The following BLOC1S3 variants were observed in gnomAD, a reference collection of about 807,000 sequenced individuals.
The protein encoded by BLOC1S3 is biogenesis of lysosomal organelles complex 1 subunit 3.
BLOC1S3 carries 7 observed loss-of-function variants against 9.1 expected under a neutral mutation model. The ratio of observed to expected loss-of-function variants is 0.77; its 90% CI spans 0.44 to 1.45. The LOEUF is 1.45. Ranked by LOEUF, BLOC1S3 falls within the 40% of genes most tolerant of loss-of-function variation. BLOC1S3 has a pLI of 0.01. For missense variants in BLOC1S3, 307 were observed against 315.2 expected, an observed-to-expected ratio of 0.97 and a Z score of 0.20; for synonymous variants, 145 against 158.4, an observed-to-expected ratio of 0.92 and a Z score of 0.64.
At chr19:45,207,415 G>T (rs148635003) in intron 3 of BLOC1S3, among the ~76,000 whole-genome samples, 1 of 149,816 alleles carries the variant, frequency 6.7e-6, no homozygotes, top group African/African-American at 2.5e-5. Flanking sequence ...TTACAGGCGT[G>T]AGCCACCGCG....
At position 45,180,097 on chromosome 19, in the gene BLOC1S3, A is replaced by G. The variant is rs1435531346; in HGVS notation, c.*192A>G. On this transcript the variant is annotated 3_prime_UTR_variant, in exon 2 of 2. Transcript: ENST00000433642. ...TAGTTCAACCCCTACTGCGGAGACC[A>G]GGGCCCCACTATCCTTAGATCTGGT... The G allele has an allele frequency of 6.8e-6, 4 of 591,002 alleles. No individual in the cohort carries two copies. Among genetic ancestry groups the G allele is most frequent in the Non-Finnish European group, 1.1e-5 (4 of 351,242 alleles). 36.6% of individuals were successfully genotyped at this position (591,002 alleles called of 1,614,324 possible).
downstream of BLOC1S3, among the ~76,000 whole-genome samples, chr19:45,183,827 A>G (rs568972727): frequency 4.3e-4 from 65 of 151,462 alleles, no homozygotes; most frequent in African/African-American, 1.5e-3. Context: ...AGTAGAGATG[A>G]GGTTTCACCA....
At chr19:45,203,585 G>A (rs1969707037) in intron 3 of BLOC1S3, among the ~76,000 whole-genome samples, 1 of 152,054 alleles carries the variant, frequency 6.6e-6, no homozygotes, top group African/African-American at 2.4e-5. Context: ...AGTTGATTTA[G>A]GGTCCCAGAG....
At position 45,179,425 on chromosome 19, in the gene BLOC1S3, T is replaced by G; in HGVS notation, c.129T>G (p.Pro43=). ...SSEEEELYLG[P]SGPTRGRPTG... is the part of the protein sequence containing the mutation. ...AGGAGGAGGAGCTGTACCTGGGTCCTTCGGGCCCGACGCGCGGCCGCCCCA... is the reference window on the plus strand; with the variant it reads ...AGGAGGAGGAGCTGTACCTGGGTCCGTCGGGCCCGACGCGCGGCCGCCCCA... The change falls in exon 2 of 2, where the codon CCT becomes CCG. Residue 43 remains proline (P), a synonymous_variant. Coordinates refer to ENST00000433642, the MANE Select transcript of BLOC1S3 (RefSeq NM_212550.5). This position sits in a 1 kb window ranked among gnomAD's most constrained non-coding sequence, Gnocchi z 4.6. The G allele has an allele frequency of 6.5e-7, 1 of 1,538,812 alleles. No individual in the cohort carries two copies. The highest frequency in any genetic ancestry group is 2.4e-5 in the East Asian group (1 of 41,006).
At chr19:45,198,464 T>G (rs1969665697) in intron 2 of BLOC1S3, among the ~76,000 whole-genome samples, 1 of 151,954 alleles carries the variant, frequency 6.6e-6, no homozygotes, top group Non-Finnish European at 1.5e-5. Context: ...GCTAACTTTT[T>G]TGTATTTTTA....
At chr19:45,182,645 G>C (rs8106106), downstream of BLOC1S3, among the ~76,000 whole-genome samples, 13,096 of 152,166 alleles carry the variant, frequency 0.086, 820 homozygotes, top group Non-Finnish European at 0.13. Context: ...TCCTGGGTGA[G>C]AGTGAGACTC....
chr19:45,213,394 C>G, intron 3 of BLOC1S3: 3 of 1,607,790 alleles, frequency 1.9e-6, no homozygotes, highest in Non-Finnish European at 2.5e-6. Context: ...ATGCAGATCC[C>G]CAGCTCTAGA....
downstream of BLOC1S3, among the ~76,000 whole-genome samples, chr19:45,184,689 A>T (rs1252974065): frequency 6.6e-6 from 1 of 152,046 alleles, no homozygotes; most frequent in African/African-American, 2.4e-5. Context: ...TCACGAGGTC[A>T]GGAGATCAAG....
chr19:45,212,166 G>T (rs1969779075), intron 3 of BLOC1S3, among the ~76,000 whole-genome samples: 1 of 152,206 alleles, frequency 6.6e-6, no homozygotes, highest in Non-Finnish European at 1.5e-5. Flanking sequence ...GCTCAGAGTG[G>T]CGAAGGCCTG....
In BLOC1S3 at chr19:45,179,258, A is replaced by T. The variant is rs1478143608; in HGVS notation, c.-9-30A>T. On this transcript the variant is annotated intron_variant, in intron 1 of 1. Coordinates refer to ENST00000433642, the MANE Select transcript of BLOC1S3 (RefSeq NM_212550.5). This position sits in a 1 kb window ranked among gnomAD's most constrained non-coding sequence, Gnocchi z 4.6. The stretch of plus-strand genomic sequence containing the variant: ...TTTTACCCACCGCGGCGCCGGTCTC[A>T]CGTGCAGTCCCTTCGCTCTTCTCCC... 2.0e-6 allele frequency: 3 copies of T among 1,504,902 alleles called. No individual in the cohort carries two copies. Among genetic ancestry groups the T allele is most frequent in the Non-Finnish European group, 2.6e-6 (3 of 1,132,626 alleles). The allele number at this position is 1,504,902 out of a possible 1,614,324, so 93.2% of individuals were successfully genotyped here. A position where few individuals can be genotyped will look rare whatever the true frequency, so the allele number is the denominator to read the frequency against.
At chr19:45,213,380 G>A (rs758075637) in intron 3 of BLOC1S3, 4 of 1,610,452 alleles carry the variant, frequency 2.5e-6, no homozygotes, top group Non-Finnish European at 2.5e-6. Context: ...GAACAGACAG[G>A]TGCATGCAGA....
intron 3 of BLOC1S3, among the ~76,000 whole-genome samples, chr19:45,209,395 GAGT>G (rs1309198955): frequency 6.6e-5 from 10 of 151,976 alleles, no homozygotes; most frequent in Admixed American, 6.6e-4. Flanking sequence ...ATTTCGAAGA[GAGT>G]AGTTCTATTT....
intron 3 of BLOC1S3, among the ~76,000 whole-genome samples, chr19:45,204,659 T>G (rs582747): frequency 0.27 from 40,591 of 152,032 alleles, 6,507 homozygotes; most frequent in African/African-American, 0.42. Context: ...CAGTTATCTA[T>G]CTCTCTCTCC....
chr19:45,213,083 G>A (rs199861385), intron 3 of BLOC1S3: 20 of 1,506,376 alleles, frequency 1.3e-5, no homozygotes, highest in Admixed American at 9.9e-5. Context: ...CGCTGGGCCC[G>A]AGGTCGCGCT....
intron 3 of BLOC1S3, chr19:45,216,342 G>A (rs890585371): frequency 1.8e-6 from 2 of 1,140,932 alleles, no homozygotes; most frequent in Non-Finnish European, 2.4e-6. Flanking sequence ...TTGGGAGGAG[G>A]CCGAGGCGGG....
chr19:45,194,092 C>T (rs1182911307), intron 2 of BLOC1S3, among the ~76,000 whole-genome samples: 43 of 122,426 alleles, frequency 3.5e-4, no homozygotes, highest in East Asian at 1.7e-3. Context: ...TGTGAGCCAC[C>T]GCGCCTGGCC....
At chr19:45,193,687 T>C in intron 2 of BLOC1S3, among the ~76,000 whole-genome samples, 1 of 151,208 alleles carries the variant, frequency 6.6e-6, no homozygotes, top group Non-Finnish European at 1.5e-5. Flanking sequence ...GGGTTTTGCT[T>C]GTCAAGGGCT....
chr19:45,205,066 T>A (rs990481786), intron 3 of BLOC1S3, among the ~76,000 whole-genome samples: 1 of 152,100 alleles, frequency 6.6e-6, no homozygotes, highest in Non-Finnish European at 1.5e-5. Flanking sequence ...ACCATACTAA[T>A]AATTGCATTG....
Position 45,180,135 on chromosome 19 carries a change from C to T in BLOC1S3, c.*230C>T. The T allele has an allele frequency of 2.1e-6, 1 of 469,230 alleles. No individual in the cohort carries two copies. The highest frequency in any genetic ancestry group is 3.8e-6 in the Non-Finnish European group (1 of 262,810). The allele number at this position is 469,230 out of a possible 1,614,324, so 29.1% of individuals were successfully genotyped here. ...CCTTAGATCTGGTTCCTCTCCCGAT[C>T]CTGACCCTGCCGCCTGGTTCTGAGC... On this transcript the variant is annotated 3_prime_UTR_variant, in exon 2 of 2. Transcript: ENST00000433642.
Sources: allele counts gnomAD v4.1 joint callset (sites outside exome capture counted in the v4.1 genomes callset), GRCh38; gene constraint gnomAD v4.1.1; non-coding constraint Gnocchi (gnomAD v3.1); transcripts MANE v1.5; gene names NCBI Gene and HGNC (gene_info 2026-07-23, HGNC 2026-07-21).